The following SIRT5 variants were observed in gnomAD, a reference collection of about 807,000 sequenced individuals.
SIRT5 encodes the protein sirtuin 5, also known as NAD-dependent protein deacylase sirtuin-5, mitochondrial.
A neutral mutation model predicts 40.0 loss-of-function variants in SIRT5; 26 were observed. The observed-to-expected ratio is 0.65, with a 90% CI of 0.48 to 0.90. The LOEUF (loss-of-function observed/expected upper bound fraction) is 0.90. SIRT5 is among the 40% of genes least tolerant of loss of function. The pLI is 0.00. For missense variants in SIRT5, 401 were observed against 402.4 expected (o/e 1.00, Z 0.03); for synonymous variants, 146 against 149.1 (o/e 0.98, Z 0.15).
chr6:13,581,692 A>T (rs780195846), intron 2 of SIRT5, among the ~76,000 whole-genome samples: 1 of 152,184 alleles, frequency 6.6e-6, no homozygotes, highest in Non-Finnish European at 1.5e-5. Context: ...GTTTGCTTCT[A>T]GTCTTGAGCC....
At chr6:13,583,155 G>A (rs1393220950) in intron 2 of SIRT5, among the ~76,000 whole-genome samples, 4 of 152,072 alleles carry the variant, frequency 2.6e-5, no homozygotes, top group African/African-American at 7.2e-5. Flanking sequence ...GTAGTGGGCC[G>A]TGATCACGCC....
chr6:13,575,412 C>A (rs1048575366), intron 1 of SIRT5, among the ~76,000 whole-genome samples: 2 of 151,990 alleles, frequency 1.3e-5, no homozygotes, highest in Non-Finnish European at 2.9e-5. Context: ...AGTGGAGACA[C>A]CTGGGAGTGA....
intron 3 of SIRT5, 47 bp downstream of exon 3, chr6:13,584,272 C>A: frequency 7.6e-7 from 1 of 1,313,670 alleles, no homozygotes. Context: ...ATGTGAAGTA[C>A]CTGAAAGTCC....
In SIRT5 at chr6:13,614,158, GAA is replaced by G. The variant is rs1764162213; in HGVS notation, c.*2295_*2296del. The G allele has an allele frequency of 6.6e-6, 1 of 152,208 alleles. No homozygotes were observed. The highest frequency in any genetic ancestry group is 6.5e-5 in the Admixed American group (1 of 15,274). 9.4% of individuals were successfully genotyped at this position (152,208 alleles called of 1,614,324 possible). On this transcript the variant is annotated 3_prime_UTR_variant, in exon 10 of 10. Transcript: ENST00000606117. The stretch of plus-strand genomic sequence containing the variant: ...AACATCTACCAGATGATAGACATTA[GAA>G]ATAAAATGACTAGCAAGACCTGGCC...
In SIRT5 at chr6:13,608,313, C is replaced by T. The variant is rs991269841; in HGVS notation, c.858-3477C>T. ...ATGAAAATCTTTTACTGGCCAGGTA[C>T]AATGGCTTATGCCTGTAATCCCAGC... On this transcript the variant is annotated intron_variant, in intron 9 of 9. Coordinates refer to ENST00000606117, the MANE Select transcript of SIRT5 (RefSeq NM_012241.5). Among the ~76,000 whole-genome samples, 5 of 152,168 alleles carry T rather than the reference C, an allele frequency of 3.3e-5. No individual in the cohort carries two copies. In the East Asian group the frequency reaches 7.7e-4, roughly 23 times the overall value.
intron 4 of SIRT5, among the ~76,000 whole-genome samples, chr6:13,591,355 C>T (rs1184334451): frequency 6.6e-6 from 1 of 152,198 alleles, no homozygotes; most frequent in Non-Finnish European, 1.5e-5. Context: ...AAATACCTTC[C>T]TGCATGTTCC....
chr6:13,601,204 T>C (rs1762339349), intron 9 of SIRT5, among the ~76,000 whole-genome samples: 1 of 152,216 alleles, frequency 6.6e-6, no homozygotes, highest in South Asian at 2.1e-4. Flanking sequence ...TTGGATTCCT[T>C]AGGCTTTGCT....
At chr6:13,604,627 G>A (rs556831227) in intron 9 of SIRT5, 2 of 1,469,710 alleles carry the variant, frequency 1.4e-6, no homozygotes, top group Admixed American at 2.7e-5. Context: ...CACCTCCCAT[G>A]CCATGGACTG....
At chr6:13,578,533 C>A (rs1457929653) in intron 1 of SIRT5, among the ~76,000 whole-genome samples, 1 of 146,908 alleles carries the variant, frequency 6.8e-6, no homozygotes, top group Non-Finnish European at 1.5e-5. Flanking sequence ...GGCAGAATGG[C>A]ATGAACCCGG....
chr6:13,599,151 T>G lies in SIRT5; in HGVS notation c.737T>G (p.Leu246Arg). 6.2e-7 allele frequency: 1 copy of G among 1,613,748 alleles called. No homozygotes were observed. Among genetic ancestry groups the G allele is most frequent in the Non-Finnish European group, 8.5e-7 (1 of 1,179,812 alleles). The change falls in exon 8 of 10, where the codon CTA (leucine) becomes CGA (arginine). Residue 246 changes from leucine (L) to arginine (R), a missense_variant. By Grantham distance (102) the Leu-to-Arg change is moderately radical (BLOSUM62 -2). Transcript: ENST00000606117. ...DRELAHCDLCLVVGTSSVVYP... is the reference protein window; with the variant it reads ...DRELAHCDLCRVVGTSSVVYP... The stretch of plus-strand genomic sequence containing the variant: ...GAGCTCGCCCACTGTGATTTATGTC[T>G]AGTGGTGGGTCATGCCCTTCCCTAA...
At position 13,584,116 on chromosome 6, in the gene SIRT5, A is replaced by G. The variant is rs754070971; in HGVS notation, c.6A>G (p.Arg2=). 4.3e-6 allele frequency: 7 copies of G among 1,613,636 alleles called. No homozygotes were observed. Among genetic ancestry groups the G allele is most frequent in the South Asian group, 1.1e-5 (1 of 91,048 alleles). ...AGAACTACAGACAAACCCTGATGCG[A>G]CCTCTCCAGATTGTCCCAAGTCGAT... is the stretch of plus-strand genomic sequence containing the variant. M[R]PLQIVPSRLI... Residue 2 remains arginine (R), a synonymous_variant, in exon 3 of 10, where the codon CGA becomes CGG. Transcript: ENST00000606117.
chr6:13,584,054 T>G, intron 2 of SIRT5, 22 bp from the exon 3 acceptor site: 1 of 1,161,558 alleles, frequency 8.6e-7, no homozygotes, highest in Non-Finnish European at 1.3e-6. Context: ...CTACACTATT[T>G]GTTTTTGTGA....
intron 8 of SIRT5, 95 bp from the exon 9 acceptor site, chr6:13,600,739 A>G (rs1762265371): frequency 1.0e-6 from 1 of 981,110 alleles, no homozygotes; most frequent in South Asian, 1.6e-5. Context: ...ACCTGCAACC[A>G]CAGACCTGCC....
At chr6:13,590,123 A>G (rs1410196799) in intron 4 of SIRT5, among the ~76,000 whole-genome samples, 1 of 152,218 alleles carries the variant, frequency 6.6e-6, no homozygotes, top group Non-Finnish European at 1.5e-5. Context: ...TCTTTTTAAA[A>G]TTAATGTTAT....
rs1759507568 is a variant in SIRT5 at position 13,582,680 on chromosome 6, G to A, written c.-35-1396G>A. Among the ~76,000 whole-genome samples, 5 of 148,228 alleles carry A rather than the reference G, an allele frequency of 3.4e-5. No individual in the cohort carries two copies. The South Asian group carries it at 6.4e-4, about 19-fold the overall frequency. ...ACTCCTCCCCTTTCTGGCAACCACC[G>A]TTATATTTTCTGCCCCCACAGTTTT... On this transcript the variant is annotated intron_variant, in intron 2 of 9. Transcript: ENST00000606117.
intron 9 of SIRT5, among the ~76,000 whole-genome samples, chr6:13,603,452 T>A (rs1166050024): frequency 3.3e-5 from 5 of 152,158 alleles, no homozygotes; most frequent in Non-Finnish European, 7.3e-5. Flanking sequence ...AAGACATTTC[T>A]CCAAATATAT....
chr6:13,583,974 C>T (rs879598364), intron 2 of SIRT5, 102 bp from the exon 3 acceptor site: 31 of 485,376 alleles, frequency 6.4e-5, no homozygotes, highest in Non-Finnish European at 8.9e-5. Context: ...ATACATGATG[C>T]GTTTCTGTAA....
At chr6:13,602,591 T>C (rs1762544344) in intron 9 of SIRT5, among the ~76,000 whole-genome samples, 1 of 150,622 alleles carries the variant, frequency 6.6e-6, no homozygotes, top group Admixed American at 6.6e-5. Flanking sequence ...TGGAGTAGAA[T>C]TGAGAGTCCA....
In SIRT5 at chr6:13,588,457, A is replaced by C. The variant is rs1760372938; in HGVS notation, c.242A>C (p.Gln81Pro). Residue 81 changes from glutamine (Q) to proline (P), a missense_variant, in exon 4 of 10, where the codon CAA (glutamine) becomes CCA (proline). Transcript: ENST00000606117. ...RGAGGYWRKW[Q>P]AQDLATPLAF... Reference sequence around the variant, plus strand: ...GCTGGAGGTTATTGGAGAAAATGGCAAGCCCAGGTTTGTAAAGTTTCCAGA... The same window carrying C: ...GCTGGAGGTTATTGGAGAAAATGGCCAGCCCAGGTTTGTAAAGTTTCCAGA... 1.9e-6 allele frequency: 3 copies of C among 1,613,956 alleles called. No individual in the cohort carries two copies. The highest frequency in any genetic ancestry group is 2.5e-6 in the Non-Finnish European group (3 of 1,179,938).
Sources: allele counts gnomAD v4.1 joint callset (sites outside exome capture counted in the v4.1 genomes callset), GRCh38; gene constraint gnomAD v4.1.1; transcripts MANE v1.5; gene names NCBI Gene and HGNC (gene_info 2026-07-23, HGNC 2026-07-21).